The following ZNF282 variants were observed in gnomAD, a reference collection of about 807,000 sequenced individuals.
ZNF282 encodes zinc finger protein 282.
Under a neutral mutation model 61.9 loss-of-function variants are expected in ZNF282, and 30 were observed. The ratio of observed to expected loss-of-function variants is 0.48; its 90% CI spans 0.36 to 0.66. The LOEUF (loss-of-function observed/expected upper bound fraction) is 0.66. ZNF282 is among the 30% of genes least tolerant of loss of function. ZNF282 has a pLI of 0.00. For missense variants in ZNF282, 788 were observed against 941.4 expected, an observed-to-expected ratio of 0.84 and a Z score of 2.13; for synonymous variants, 396 against 405.0, an observed-to-expected ratio of 0.98 and a Z score of 0.27.
chr7:149,222,881 C>T (rs1162722002), intron 7 of ZNF282, among the ~76,000 whole-genome samples: 2 of 152,116 alleles, frequency 1.3e-5, no homozygotes, highest in East Asian at 1.9e-4. Context: ...CTCTTGACCT[C>T]GTGATCCACC....
intron 7 of ZNF282, among the ~76,000 whole-genome samples, chr7:149,220,238 C>T (rs1270054566): frequency 2.0e-5 from 3 of 152,022 alleles, no homozygotes; most frequent in Non-Finnish European, 2.9e-5. Context: ...GAAACCCCGT[C>T]TCTACTAAAA....
At chr7:149,199,233 C>A (rs111956977) in intron 2 of ZNF282, among the ~76,000 whole-genome samples, 10 of 152,180 alleles carry the variant, frequency 6.6e-5, no homozygotes, top group Non-Finnish European at 1.5e-5. Flanking sequence ...TATCTTACTC[C>A]GTTCCCTCTC....
chr7:149,203,403 A>G (rs904885002), intron 2 of ZNF282, among the ~76,000 whole-genome samples: 2 of 152,224 alleles, frequency 1.3e-5, no homozygotes, highest in Non-Finnish European at 2.9e-5. Context: ...GCTGGAGTAC[A>G]GTTATACAAT....
Position 149,224,366 on chromosome 7 carries a change from T to A in ZNF282, c.1735T>A (p.Cys579Ser). ...CGAGCGGCCCTACAAGTGCTCGGAG[T>A]GCGAGAAGACCTACAGCCGTAAGGA... The part of the protein sequence containing the change: ...RGERPYKCSE[C>S]EKTYSRKEHL... The change falls in exon 8 of 8, where the codon TGC (cysteine) becomes AGC (serine). Residue 579 changes from cysteine (C) to serine (S), a missense_variant. This residue lies in a region of ZNF282 where 559 missense variants were observed against 642.0 expected (regional missense o/e 0.87). Transcript: ENST00000610704. 2 of 1,613,656 alleles carry A rather than the reference T, an allele frequency of 1.2e-6. No homozygotes were observed. Among genetic ancestry groups the A allele is most frequent in the Non-Finnish European group, 1.7e-6 (2 of 1,179,896 alleles).
chr7:149,204,459 G>A (rs1045667271), intron 2 of ZNF282, among the ~76,000 whole-genome samples: 2 of 152,134 alleles, frequency 1.3e-5, no homozygotes, highest in Non-Finnish European at 2.9e-5. Context: ...CGTGTTGAGG[G>A]AAGGTTTTTC....
rs1274118925 is a variant in ZNF282, at chr7:149,224,875, G to A, written c.*228G>A. 3 of 769,060 alleles carry A rather than the reference G, an allele frequency of 3.9e-6. No individual in the cohort carries two copies. The highest frequency in any genetic ancestry group is 3.5e-5 in the African/African-American group (2 of 57,024). 47.6% of individuals were successfully genotyped at this position (769,060 alleles called of 1,614,324 possible). A position where few individuals can be genotyped will look rare whatever the true frequency, so the allele number is the denominator to read the frequency against. ...CTGCTGGGGAAGAGCCAGGGGGACC[G>A]CGAGGAGCCGAGCGTCCTCGGGCAC... On this transcript the variant is annotated 3_prime_UTR_variant, in exon 8 of 8. Transcript: ENST00000610704.
At chr7:149,202,513 A>C (rs1302223647) in intron 2 of ZNF282, among the ~76,000 whole-genome samples, 1 of 151,216 alleles carries the variant, frequency 6.6e-6, no homozygotes, top group Non-Finnish European at 1.5e-5. Flanking sequence ...ACGGGGTTTC[A>C]CTATGTTGGT....
chr7:149,218,125 G>C (rs1355433111), intron 7 of ZNF282, among the ~76,000 whole-genome samples: 4 of 151,348 alleles, frequency 2.6e-5, no homozygotes, highest in Non-Finnish European at 5.9e-5. Context: ...AAAAAAGAGA[G>C]AGAGAGAGAC....
chr7:149,219,799 A>T (rs1796209540), intron 7 of ZNF282, among the ~76,000 whole-genome samples: 1 of 152,104 alleles, frequency 6.6e-6, no homozygotes, highest in Non-Finnish European at 1.5e-5. Context: ...GTGAGCAGAG[A>T]TTGTGTCACT....
intron 1 of ZNF282, among the ~76,000 whole-genome samples, chr7:149,196,912 C>G (rs996181615): frequency 8.5e-5 from 13 of 152,342 alleles, no homozygotes; most frequent in Admixed American, 7.2e-4. Flanking sequence ...GAGAGTGGGG[C>G]TGGTCTGCCC....
Position 149,204,707 on chromosome 7 carries a change from G to A in ZNF282, c.586-1989G>A, listed in dbSNP as rs1224632675. ...ATGAAACGTTTGAAACAAGCCTCCC[G>A]GAGAACATAGCAAGGTGTCAGCAAG... On this transcript the variant is annotated intron_variant, in intron 2 of 7. Coordinates refer to ENST00000610704, the MANE Select transcript of ZNF282 (RefSeq NM_003575.4). Among the ~76,000 whole-genome samples the A allele has an allele frequency of 3.3e-5, 5 of 152,164 alleles. 1 individual carries two copies. The highest frequency in any genetic ancestry group is 2.1e-4 in the South Asian group (1 of 4,828).
At chr7:149,221,906 A>T (rs373943002) in intron 7 of ZNF282, among the ~76,000 whole-genome samples, 2 of 152,158 alleles carry the variant, frequency 1.3e-5, no homozygotes, top group Non-Finnish European at 2.9e-5. Flanking sequence ...GAGGGGTGTG[A>T]GCACGGAGAA....
At chr7:149,208,600 T>G (rs1035121051) in intron 4 of ZNF282, among the ~76,000 whole-genome samples, 2 of 152,320 alleles carry the variant, frequency 1.3e-5, no homozygotes, top group South Asian at 4.1e-4. Flanking sequence ...ATTCCCAGTC[T>G]TTCCTTTTTT....
In ZNF282 at chr7:149,225,057, A is replaced by AG. The variant is rs1489344628; in HGVS notation, c.*413dup. The AG allele has an allele frequency of 4.5e-6, 1 of 221,028 alleles. No individual in the cohort carries two copies. The highest frequency in any genetic ancestry group is 9.0e-6 in the Non-Finnish European group (1 of 111,262). The allele number at this position is 221,028 out of a possible 1,614,324, so 13.7% of individuals were successfully genotyped here. A position where few individuals can be genotyped will look rare whatever the true frequency, so the allele number is the denominator to read the frequency against. The stretch of plus-strand genomic sequence containing the variant: ...AAAGCGAAGGCCGAGGGATGTGCTA[A>AG]GGGTAACACCTTCATGATGACAACA... On this transcript the variant is annotated 3_prime_UTR_variant, in exon 8 of 8. Coordinates refer to ENST00000610704, the MANE Select transcript of ZNF282 (RefSeq NM_003575.4).
chr7:149,200,253 C>T (rs1395289514), intron 2 of ZNF282, among the ~76,000 whole-genome samples: 1 of 152,176 alleles, frequency 6.6e-6, no homozygotes, highest in Non-Finnish European at 1.5e-5. Flanking sequence ...CTGGATCTTT[C>T]TCTCTGGAAC....
At chr7:149,218,530 T>A (rs983289228) in intron 7 of ZNF282, among the ~76,000 whole-genome samples, 1 of 152,178 alleles carries the variant, frequency 6.6e-6, no homozygotes, top group Admixed American at 6.5e-5. Context: ...AAGTAGCAGA[T>A]CAAGTAGGTG....
rs770209921 is a variant in ZNF282, at chr7:149,198,410, C to T, written c.243C>T (p.Phe81=). Reference sequence around the variant, plus strand: ...CCTTTCCAGATAGGGCACCTGTCTTCCCCGACCGCATGATGCGAGAGCCCC... The same window carrying T: ...CCTTTCCAGATAGGGCACCTGTCTTTCCCGACCGCATGATGCGAGAGCCCC... ...FPPFPDRAPV[F]PDRMMREPQL... Residue 81 remains phenylalanine, a synonymous_variant, in exon 2 of 8, where the codon TTC becomes TTT. Coordinates refer to ENST00000610704, the MANE Select transcript of ZNF282 (RefSeq NM_003575.4). This position sits in a 1 kb window ranked among gnomAD's most constrained non-coding sequence, Gnocchi z 4.3. 2 of 1,614,182 alleles carry T rather than the reference C, an allele frequency of 1.2e-6. No homozygotes were observed. The highest frequency in any genetic ancestry group is 1.7e-6 in the Non-Finnish European group (2 of 1,180,038).
Position 149,224,395 on chromosome 7 carries a change from C to T in ZNF282, c.1764C>T (p.His588=). The change falls in exon 8 of 8, where the codon CAC becomes CAT. Residue 588 remains histidine (H), a synonymous_variant. Coordinates refer to ENST00000610704, the MANE Select transcript of ZNF282 (RefSeq NM_003575.4). ...AGAAGACCTACAGCCGTAAGGAGCACCTGCAGAACCACCAGCGGCTGCACA... is the reference window on the plus strand; with the variant it reads ...AGAAGACCTACAGCCGTAAGGAGCATCTGCAGAACCACCAGCGGCTGCACA... ...ECEKTYSRKE[H]LQNHQRLHTG... 6.2e-7 allele frequency: 1 copy of T among 1,613,988 alleles called. No individual in the cohort carries two copies. Among genetic ancestry groups the T allele is most frequent in the African/African-American group, 1.3e-5 (1 of 75,030 alleles).
Position 149,207,363 on chromosome 7 carries a change from C to A in ZNF282, c.725C>A (p.Ser242Ter). Residue 242 changes from serine to a stop codon, truncating the protein, a stop_gained, in exon 4 of 8, where the codon TCA (serine) becomes TAA (stop). Transcript: ENST00000610704. LOFTEE classifies it high-confidence loss of function. ...KTLMSLDAEG[S>*]VPKPDAPVQA... is the part of the protein sequence containing the mutation. ...TCCTCACTTCCAGACGCGGAGGGCTCAGTCCCCAAGCCAGATGCTCCAGTC... is the reference window on the plus strand; with the variant it reads ...TCCTCACTTCCAGACGCGGAGGGCTAAGTCCCCAAGCCAGATGCTCCAGTC... 6.3e-7 allele frequency: 1 copy of A among 1,587,576 alleles called. No homozygotes were observed.
Sources: allele counts gnomAD v4.1 joint callset (sites outside exome capture counted in the v4.1 genomes callset), GRCh38; gene constraint gnomAD v4.1.1; regional missense constraint gnomAD v4.1.1; non-coding constraint Gnocchi (gnomAD v3.1); transcripts MANE v1.5; gene names NCBI Gene and HGNC (gene_info 2026-07-23, HGNC 2026-07-21).